Variants in CRTAP observed in about 807,000 individuals in gnomAD.
The protein encoded by CRTAP is cartilage-associated protein.
In CRTAP, 33 loss-of-function variants were observed where a neutral mutation model predicts 42.7. The ratio of observed to expected loss-of-function variants is 0.77; its 90% CI spans 0.59 to 1.03. The LOEUF is 1.03. Among genes scored for constraint, CRTAP ranks in the 50% least tolerant of loss-of-function variants. CRTAP has a pLI of 0.00. For missense variants in CRTAP, 613 were observed against 533.9 expected, an observed-to-expected ratio of 1.15 and a Z score of -1.46; for synonymous variants, 243 against 217.7, an observed-to-expected ratio of 1.12 and a Z score of -1.02.
At chr3:33,131,325 C>T (rs1468505153) in intron 4 of CRTAP, among the ~76,000 whole-genome samples, 2 of 151,642 alleles carry the variant, frequency 1.3e-5, no homozygotes, top group East Asian at 3.9e-4. Flanking sequence ...AGCCTTGCAC[C>T]CTGAAGGTCA....
intron 2 of CRTAP, 145 bp from the exon 3 acceptor site, chr3:33,124,263 C>T: frequency 1.2e-6 from 1 of 817,226 alleles, no homozygotes; most frequent in East Asian, 2.6e-5. Flanking sequence ...AAGTAACTCA[C>T]TGATTGACTT....
chr3:33,120,216 T>A, intron 1 of CRTAP, 128 bp from the exon 2 acceptor site: 1 of 861,096 alleles, frequency 1.2e-6, no homozygotes, highest in Non-Finnish European at 2.0e-6. Context: ...GCCCTGGAAG[T>A]CATGGAACCT....
At chr3:33,134,709 C>T (rs1412326381) in intron 6 of CRTAP, among the ~76,000 whole-genome samples, 2 of 152,206 alleles carry the variant, frequency 1.3e-5, no homozygotes, top group African/African-American at 4.8e-5. Context: ...CCTGATTCCA[C>T]CTTACTCAGC....
chr3:33,139,873 T>G (rs1249124913), intron 6 of CRTAP, among the ~76,000 whole-genome samples: 1 of 152,266 alleles, frequency 6.6e-6, no homozygotes, highest in African/African-American at 2.4e-5. Flanking sequence ...CTTGTTAATA[T>G]TCATTATAAA....
intron 6 of CRTAP, among the ~76,000 whole-genome samples, chr3:33,141,628 T>C (rs1455888051): frequency 1.3e-5 from 2 of 152,274 alleles, no homozygotes; most frequent in Non-Finnish European, 1.5e-5. Flanking sequence ...GTGTTGACTC[T>C]TATGGAAGGG....
In CRTAP at chr3:33,146,338, TCG is replaced by T. The variant is rs2030722808; in HGVS notation, c.*3891_*3892del. 6.6e-6 allele frequency: 1 copy of T among 152,360 alleles called. No individual in the cohort carries two copies. The highest frequency in any genetic ancestry group is 1.5e-5 in the Non-Finnish European group (1 of 68,166). The allele number at this position is 152,360 out of a possible 1,614,324, so 9.4% of individuals were successfully genotyped here. On this transcript the variant is annotated 3_prime_UTR_variant, in exon 7 of 7. Transcript: ENST00000320954. ...TGCAGGCTGGTGGGGAGGCCGCCCA[TCG>T]TGGTGGGGCATCTGTCCAGCCCCAT... is the stretch of plus-strand genomic sequence containing the variant.
chr3:33,141,662 AT>A (rs2030575392), intron 6 of CRTAP, among the ~76,000 whole-genome samples: 1 of 152,200 alleles, frequency 6.6e-6, no homozygotes. Context: ...TCATTCACTC[AT>A]TCTCTGCAGA....
At chr3:33,120,977 G>C (rs192965048) in intron 2 of CRTAP, among the ~76,000 whole-genome samples, 63 of 152,324 alleles carry the variant, frequency 4.1e-4, no homozygotes, top group Admixed American at 2.4e-3. Context: ...CTACGAAGAA[G>C]AGTTTTGATG....
chr3:33,124,511 A>C lies in CRTAP; in HGVS notation c.725A>C (p.Glu242Ala). 6.2e-7 allele frequency: 1 copy of C among 1,614,174 alleles called. No individual in the cohort carries two copies. Among genetic ancestry groups the C allele is most frequent in the Non-Finnish European group, 8.5e-7 (1 of 1,180,040 alleles). The change falls in exon 3 of 7, where the codon GAG (glutamate) becomes GCG (alanine). Residue 242 changes from glutamate to alanine, a missense_variant. By Grantham distance (107) the Glu-to-Ala change is moderately radical. Coordinates refer to ENST00000320954, the MANE Select transcript of CRTAP (RefSeq NM_006371.5). ...ALPDFFKAFY[E>A]CLAACEGSRE... ...CCCGACTTCTTCAAAGCCTTTTACGAGTGTCTCGCAGCCTGCGAGGGTTCC... is the reference window on the plus strand; with the variant it reads ...CCCGACTTCTTCAAAGCCTTTTACGCGTGTCTCGCAGCCTGCGAGGGTTCC...
intron 6 of CRTAP, among the ~76,000 whole-genome samples, chr3:33,134,594 G>T (rs1399667287): frequency 2.0e-5 from 3 of 152,144 alleles, no homozygotes; most frequent in African/African-American, 7.2e-5. Context: ...AAGAGACATG[G>T]ATACTCACAC....
chr3:33,127,945 G>T (rs1004045239), intron 3 of CRTAP, among the ~76,000 whole-genome samples: 1 of 150,536 alleles, frequency 6.6e-6, no homozygotes, highest in Non-Finnish European at 1.5e-5. Context: ...ACAGCGTTTT[G>T]CTGTGTTGGC....
intron 6 of CRTAP, among the ~76,000 whole-genome samples, 163 bp downstream of exon 6, chr3:33,134,428 A>G (rs1386393117): frequency 8.5e-5 from 13 of 152,228 alleles, no homozygotes; most frequent in Admixed American, 7.9e-4. Context: ...GAATGCTGGC[A>G]TGGGAAAGAG....
intron 3 of CRTAP, among the ~76,000 whole-genome samples, chr3:33,126,462 T>C (rs2030075589): frequency 6.6e-6 from 1 of 152,212 alleles, no homozygotes; most frequent in South Asian, 2.1e-4. Context: ...GGTAATTGGA[T>C]GTAGAGGCTT....
chr3:33,139,146 A>C (rs1304579471), intron 6 of CRTAP, among the ~76,000 whole-genome samples: 1 of 152,048 alleles, frequency 6.6e-6, no homozygotes, highest in Non-Finnish European at 1.5e-5. Context: ...ACTGTCTAAA[A>C]AAAAAAATTA....
In CRTAP at chr3:33,119,251, T is replaced by C. The variant is rs75023193; in HGVS notation, c.472-1093T>C. Among the ~76,000 whole-genome samples, 428 of 152,350 alleles carry C rather than the reference T, an allele frequency of 2.8e-3. 2 individuals carry two copies. The highest frequency in any genetic ancestry group is 0.018 in the East Asian group (91 of 5,192). ...AATGTCATTATGTTCAAATCACAGA[T>C]ACTTATTGTGTCCTGCCTTGTCCTG... On this transcript the variant is annotated intron_variant, in intron 1 of 6. Transcript: ENST00000320954.
intron 1 of CRTAP, among the ~76,000 whole-genome samples, chr3:33,118,897 C>T (rs537186248): frequency 9.8e-5 from 15 of 152,340 alleles, no homozygotes; most frequent in African/African-American, 3.6e-4. Context: ...AAGTGCCAGC[C>T]CTGAAGCTCC....
intron 4 of CRTAP, 91 bp from the exon 5 acceptor site, chr3:33,132,464 G>A (rs1024855999): frequency 3.2e-6 from 5 of 1,562,976 alleles, no homozygotes; most frequent in Non-Finnish European, 4.4e-6. Context: ...TGGAGAAGGG[G>A]CTTGTTCATA....
chr3:33,146,255 G>GCTTCC lies in CRTAP; in HGVS notation c.*3807_*3808insCTTCC, dbSNP rs1365496482. On this transcript the variant is annotated 3_prime_UTR_variant, in exon 7 of 7. Coordinates refer to ENST00000320954, the MANE Select transcript of CRTAP (RefSeq NM_006371.5). ...GTGGGAGCTTCCAGGCCTGCTCTAA[G>GCTTCC]ATGCCTTGCTTGTCCTTTGACCCAT... 6.6e-6 allele frequency: 1 copy of GCTTCC among 152,250 alleles called. No individual in the cohort carries two copies. 9.4% of individuals were successfully genotyped at this position (152,250 alleles called of 1,614,324 possible).
rs201554363 is a variant in CRTAP, at chr3:33,142,392, C to T, written c.1153-3C>T. 14 of 1,613,626 alleles carry T rather than the reference C, an allele frequency of 8.7e-6. No homozygotes were observed. Among genetic ancestry groups the T allele is most frequent in the African/African-American group, 1.3e-5 (1 of 74,914 alleles). The stretch of plus-strand genomic sequence containing the variant: ...AATAAAGTTGTCCTGTTGTCTCTTA[C>T]AGGGAGAAGTTGTGGAATATGTGGA... On this transcript the variant is annotated splice_region_variant and splice_polypyrimidine_tract_variant and intron_variant, in intron 6 of 6. Coordinates refer to ENST00000320954, the MANE Select transcript of CRTAP (RefSeq NM_006371.5).
Sources: allele counts gnomAD v4.1 joint callset (sites outside exome capture counted in the v4.1 genomes callset), GRCh38; gene constraint gnomAD v4.1.1; transcripts MANE v1.5; gene names NCBI Gene and HGNC (gene_info 2026-07-23, HGNC 2026-07-21).